Variants in ERC2 observed in about 807,000 individuals in gnomAD.
The protein encoded by ERC2 is ERC protein 2.
Under a neutral mutation model 114.8 loss-of-function variants are expected in ERC2, and 42 were observed. The observed-to-expected ratio is 0.37, with a 90% CI of 0.29 to 0.47. The LOEUF (loss-of-function observed/expected upper bound fraction) is 0.47. ERC2 is among the 20% of genes least tolerant of loss of function. ERC2 has a pLI of 0.99. For synonymous variants in ERC2, 454 were observed against 425.5 expected (o/e 1.07, Z -0.82); for missense variants, 939 against 1,150.7 (o/e 0.82, Z 2.66).
In ERC2 at chr3:56,037,266, G is replaced by A. The variant is rs147463381; in HGVS notation, c.1642-18235C>T. ...TAATGAACTTCACTGCGCTAAAGGA[G>A]TATGTTCTAACCCAATGCAAAGAAG... On this transcript the variant is annotated intron_variant, in intron 7 of 17. Coordinates refer to ENST00000288221, the MANE Select transcript of ERC2 (RefSeq NM_015576.3). Among the ~76,000 whole-genome samples the A allele has an allele frequency of 2.3e-4, 35 of 152,296 alleles. No individual in the cohort carries two copies. In the East Asian group the frequency reaches 6.6e-3, roughly 29 times the overall value.
chr3:55,989,074 A>G (rs956877435), intron 11 of ERC2, among the ~76,000 whole-genome samples: 1 of 152,214 alleles, frequency 6.6e-6, no homozygotes, highest in Non-Finnish European at 1.5e-5. Flanking sequence ...CATTTCCCAG[A>G]CAATGCTCTG....
intron 2 of ERC2, among the ~76,000 whole-genome samples, chr3:56,415,403 T>C (rs1469840420): frequency 6.6e-6 from 1 of 152,234 alleles, no homozygotes; most frequent in Non-Finnish European, 1.5e-5. Flanking sequence ...ATCATTTTTC[T>C]TCCTAAAATA....
intron 2 of ERC2, among the ~76,000 whole-genome samples, chr3:56,377,625 C>G (rs1467221259): frequency 6.6e-6 from 1 of 152,022 alleles, no homozygotes; most frequent in African/African-American, 2.4e-5. Context: ...ACACATTAGG[C>G]CCCCCAAAAA....
chr3:56,414,596 G>A (rs1185004200), intron 2 of ERC2, among the ~76,000 whole-genome samples: 5 of 151,924 alleles, frequency 3.3e-5, no homozygotes, highest in South Asian at 2.1e-4. Context: ...GTAGTGGCAC[G>A]TGCCTGTAGT....
chr3:55,852,174 C>A (rs1168687758), intron 14 of ERC2, among the ~76,000 whole-genome samples: 1 of 152,100 alleles, frequency 6.6e-6, no homozygotes, highest in Non-Finnish European at 1.5e-5. Context: ...GAACTGAGAT[C>A]GCACCACTAC....
intron 3 of ERC2, among the ~76,000 whole-genome samples, chr3:56,224,482 C>A (rs2050125840): frequency 6.6e-6 from 1 of 152,068 alleles, no homozygotes; most frequent in Non-Finnish European, 1.5e-5. Context: ...AAAAGGAACA[C>A]AGAGCAGGTG....
At chr3:55,838,940 G>A (rs1040824459) in intron 14 of ERC2, among the ~76,000 whole-genome samples, 1 of 151,680 alleles carries the variant, frequency 6.6e-6, no homozygotes, top group South Asian at 2.1e-4. Context: ...ACTCATGAAG[G>A]TACCATAAAA....
intron 15 of ERC2, among the ~76,000 whole-genome samples, chr3:55,728,052 A>T (rs764508291): frequency 3.3e-5 from 5 of 152,206 alleles, no homozygotes; most frequent in Admixed American, 2.6e-4. Context: ...CCTACAGGGA[A>T]CAAGGATCAT....
At chr3:56,032,911 G>GAAA (rs1491494479) in intron 7 of ERC2, among the ~76,000 whole-genome samples, 2 of 58,414 alleles carry the variant, frequency 3.4e-5, no homozygotes, top group East Asian at 8.3e-4. Flanking sequence ...CAGAAAGAAA[G>GAAA]AAAGAAAGAA....
chr3:56,409,431 C>T (rs999052971), intron 2 of ERC2, among the ~76,000 whole-genome samples: 2 of 148,228 alleles, frequency 1.3e-5, no homozygotes, highest in Non-Finnish European at 3.0e-5. Flanking sequence ...CTTTAAAATG[C>T]TAAAATTAAA....
intron 1 of ERC2, among the ~76,000 whole-genome samples, chr3:56,464,103 T>A (rs2063435354): frequency 6.6e-6 from 1 of 152,168 alleles, no homozygotes; most frequent in Non-Finnish European, 1.5e-5. Context: ...GGATGAAAAT[T>A]GCATTCCCCA....
chr3:55,534,691 A>C (rs1467000339), intron 17 of ERC2, among the ~76,000 whole-genome samples: 2 of 152,156 alleles, frequency 1.3e-5, no homozygotes, highest in Non-Finnish European at 2.9e-5. Flanking sequence ...CCTCGTGTCA[A>C]AAAAAGAGAA....
chr3:55,577,634 A>G (rs1041702418), intron 17 of ERC2, among the ~76,000 whole-genome samples: 6 of 152,154 alleles, frequency 3.9e-5, no homozygotes, highest in African/African-American at 1.2e-4. Context: ...AGACATCCCC[A>G]TAGTCACCAG....
intron 14 of ERC2, among the ~76,000 whole-genome samples, chr3:55,743,593 C>CAAAAAAAAAAAAAAAA (rs367859231): frequency 8.0e-4 from 77 of 96,792 alleles, no homozygotes; most frequent in East Asian, 1.2e-3. Flanking sequence ...CCTGATCCAC[C>CAAAAAAAAAAAAAAAA]AAAAAAAAAA....
intron 12 of ERC2, among the ~76,000 whole-genome samples, chr3:55,954,687 G>A (rs1370143960): frequency 1.3e-5 from 2 of 152,200 alleles, no homozygotes; most frequent in African/African-American, 4.8e-5. Context: ...TGGAAAGAAT[G>A]CAGGAATCTA....
chr3:55,831,152 A>G (rs76637020), intron 14 of ERC2, among the ~76,000 whole-genome samples: 1 of 149,516 alleles, frequency 6.7e-6, no homozygotes, highest in Non-Finnish European at 1.5e-5. Context: ...CAAAAAAAAA[A>G]AAAAATTTAA....
intron 4 of ERC2, among the ~76,000 whole-genome samples, chr3:56,151,258 G>T (rs531019110): frequency 3.2e-4 from 49 of 152,008 alleles, no homozygotes; most frequent in Non-Finnish European, 5.1e-4. Flanking sequence ...GTAGTGACGG[G>T]GTTTCACCAT....
At chr3:56,291,298 T>C (rs2055068933) in intron 3 of ERC2, among the ~76,000 whole-genome samples, 2 of 152,214 alleles carry the variant, frequency 1.3e-5, no homozygotes, top group South Asian at 2.1e-4. Flanking sequence ...TAGTGAGTAA[T>C]GCTGAGTTTC....
intron 17 of ERC2, among the ~76,000 whole-genome samples, chr3:55,661,579 G>A (rs1188392940): frequency 1.3e-5 from 2 of 152,110 alleles, no homozygotes; most frequent in South Asian, 2.1e-4. Context: ...CATTGGGTCC[G>A]TTTACATAAT....
Sources: gnomAD v4.1 joint callset for allele counts (sites outside exome capture counted in the v4.1 genomes callset) on GRCh38, gnomAD v4.1.1 for gene constraint, MANE v1.5 for transcripts, NCBI Gene and HGNC (gene_info 2026-07-23, HGNC 2026-07-21) for gene names.